The following PRUNE2 variants were observed in gnomAD, a reference collection of about 807,000 sequenced individuals.
PRUNE2 encodes the protein prune homolog 2 with BCH domain, also known as protein prune homolog 2.
A neutral mutation model predicts 252.0 loss-of-function variants in PRUNE2; 164 were observed. The ratio of observed to expected loss-of-function variants is 0.65; its 90% CI spans 0.57 to 0.74. PRUNE2 has a LOEUF of 0.74. Ranked by LOEUF, PRUNE2 falls within the 30% of genes least tolerant of loss-of-function variation. PRUNE2 has a pLI of 0.00. For synonymous variants in PRUNE2, 1,292 were observed against 1,350.2 expected (o/e 0.96, Z 0.94); for missense variants, 3,495 against 3,711.0 (o/e 0.94, Z 1.51).
chr9:76,767,536 C>A (rs1195395292), intron 6 of PRUNE2, among the ~76,000 whole-genome samples: 2 of 152,104 alleles, frequency 1.3e-5, no homozygotes, highest in Non-Finnish European at 2.9e-5. Context: ...CTCCATTGAT[C>A]ACCTCTTTAA....
At chr9:76,729,182 G>A (rs1474769038) in intron 6 of PRUNE2, among the ~76,000 whole-genome samples, 6 of 152,158 alleles carry the variant, frequency 3.9e-5, no homozygotes, top group Non-Finnish European at 7.4e-5. Flanking sequence ...ATGGAGCAAT[G>A]GGTTCTCCAG....
intron 6 of PRUNE2, among the ~76,000 whole-genome samples, chr9:76,781,993 T>TCGGATC (rs1000569428): frequency 6.6e-6 from 1 of 151,524 alleles, no homozygotes; most frequent in African/African-American, 2.4e-5. Flanking sequence ...AGCAGGTGGA[T>TCGGATC]CATGAGGTCA....
At chr9:76,699,900 T>C (rs1452523067) in intron 9 of PRUNE2, among the ~76,000 whole-genome samples, 1 of 152,224 alleles carries the variant, frequency 6.6e-6, no homozygotes, top group Non-Finnish European at 1.5e-5. Context: ...ACCCTGCAAA[T>C]GTTCTTTGTG....
chr9:76,616,727 C>G (rs551074543), intron 18 of PRUNE2, among the ~76,000 whole-genome samples: 6 of 152,096 alleles, frequency 3.9e-5, no homozygotes, highest in Non-Finnish European at 7.4e-5. Context: ...TAAGTAAATA[C>G]AGGAAACCAC....
chr9:76,807,051 T>TGTGTGCGC lies in PRUNE2; in HGVS notation c.756+16580_756+16581insGCGCACAC, dbSNP rs60768420. Among the ~76,000 whole-genome samples the TGTGTGCGC allele has an allele frequency of 6.2e-3, 870 of 139,436 alleles. 5 individuals are homozygous for TGTGTGCGC. The highest frequency in any genetic ancestry group is 0.02 in the African/African-American group (722 of 36,158). 91.5% of individuals were successfully genotyped at this position (139,436 alleles called of 152,430 possible). On this transcript the variant is annotated intron_variant, in intron 6 of 18. Transcript: ENST00000376718. ...GTGTGTGTGTGTGTGTGTGTGTGTGTGCGCGCGCGCGTGTGTCTGTCTCTC... is the reference window on the plus strand; with the variant it reads ...GTGTGTGTGTGTGTGTGTGTGTGTGTGTGTGCGCGCGCGCGCGCGTGTGTCTGTCTCTC...
chr9:76,625,037 A>G, intron 16 of PRUNE2: 1 of 1,303,530 alleles, frequency 7.7e-7, no homozygotes, highest in Non-Finnish European at 1.0e-6. Flanking sequence ...CACTTCTCTT[A>G]TAAGATCTCT....
intron 1 of PRUNE2, among the ~76,000 whole-genome samples, chr9:76,883,692 G>A (rs1356812328): frequency 6.6e-6 from 1 of 152,168 alleles, no homozygotes; most frequent in Non-Finnish European, 1.5e-5. Flanking sequence ...TTTTTCTTGG[G>A]TGCAGACGTT....
At chr9:76,624,843 G>T (rs925953512) in intron 16 of PRUNE2, among the ~76,000 whole-genome samples, 1 of 152,178 alleles carries the variant, frequency 6.6e-6, no homozygotes, top group Non-Finnish European at 1.5e-5. Flanking sequence ...GGTTTAGTAG[G>T]TTTCAGTTGC....
At chr9:76,702,459 T>C (rs542322256) in intron 9 of PRUNE2, among the ~76,000 whole-genome samples, 1 of 152,344 alleles carries the variant, frequency 6.6e-6, no homozygotes, top group South Asian at 2.1e-4. Context: ...GCAGGTGGGC[T>C]TCATAAACAC....
At chr9:76,837,668 A>G (rs1423627414) in intron 4 of PRUNE2, among the ~76,000 whole-genome samples, 2 of 151,828 alleles carry the variant, frequency 1.3e-5, no homozygotes, top group African/African-American at 4.8e-5. Context: ...TAAAATGAGA[A>G]ACTAGTATAT....
intron 6 of PRUNE2, among the ~76,000 whole-genome samples, chr9:76,716,783 G>C (rs1026637112): frequency 2.0e-5 from 3 of 151,944 alleles, no homozygotes; most frequent in Non-Finnish European, 2.9e-5. Flanking sequence ...TGCACCTATT[G>C]ACCCATCATC....
chr9:76,833,498 G>A, intron 4 of PRUNE2, among the ~76,000 whole-genome samples: 1 of 152,302 alleles, frequency 6.6e-6, no homozygotes, highest in East Asian at 1.9e-4. Flanking sequence ...GGGCGTGGTG[G>A]CTCATGCCTG....
intron 12 of PRUNE2, chr9:76,641,820 G>T: frequency 1.1e-6 from 1 of 901,376 alleles, no homozygotes; most frequent in Non-Finnish European, 1.6e-6. Flanking sequence ...TGAAAGGGAT[G>T]TAACACAAGT....
At position 76,832,601 on chromosome 9, in the gene PRUNE2, A is replaced by AT. The variant is rs1213859815; in HGVS notation, c.509-5870dup. Among the ~76,000 whole-genome samples, 15 of 152,232 alleles carry AT rather than the reference A, an allele frequency of 9.9e-5. No individual in the cohort carries two copies. In the East Asian group the frequency reaches 2.9e-3, roughly 29 times the overall value. On this transcript the variant is annotated intron_variant, in intron 4 of 18. Transcript: ENST00000376718. ...TCAAGTTGTGCTCTAAGGAAATTTT[A>AT]TACCCTTAAAAGCGTTAAGTGTTAA... is the stretch of plus-strand genomic sequence containing the variant.
chr9:76,653,729 C>T (rs564796026), intron 10 of PRUNE2, among the ~76,000 whole-genome samples: 13 of 150,362 alleles, frequency 8.6e-5, no homozygotes, highest in African/African-American at 2.8e-4. Flanking sequence ...TTTACCTGGC[C>T]GAAGTATCCT....
intron 9 of PRUNE2, among the ~76,000 whole-genome samples, chr9:76,657,506 C>T (rs554988968): frequency 2.0e-5 from 3 of 152,266 alleles, no homozygotes; most frequent in South Asian, 4.1e-4. Flanking sequence ...GGAATAATTG[C>T]AGGAGTCCTG....
intron 1 of PRUNE2, among the ~76,000 whole-genome samples, chr9:76,879,890 T>TAC (rs2061666530): frequency 1.2e-5 from 1 of 85,448 alleles, no homozygotes; most frequent in Admixed American, 1.1e-4. Flanking sequence ...TATATATATA[T>TAC]ATATATATAT....
At chr9:76,721,970 TTTTA>T (rs550568734) in intron 6 of PRUNE2, among the ~76,000 whole-genome samples, 205 of 152,244 alleles carry the variant, frequency 1.3e-3, no homozygotes, top group Non-Finnish European at 2.1e-3. Flanking sequence ...AATTAAGAGA[TTTTA>T]TTTATTTTGT....
chr9:76,709,295 C>G lies in PRUNE2; in HGVS notation c.2979G>C (p.Glu993Asp), dbSNP rs1194843548. The G allele has an allele frequency of 3.7e-6, 6 of 1,613,860 alleles. No individual in the cohort carries two copies. Among genetic ancestry groups the G allele is most frequent in the Non-Finnish European group, 5.1e-6 (6 of 1,179,860 alleles). The stretch of plus-strand genomic sequence containing the variant: ...TACCATCTTTTGACTCAAAACCTTC[C>G]TCTTTAGCAAATGGCTTGTGTTCAG... ...KETEHKPFAKEEGFESKDGNS... is the reference protein window; with the variant it reads ...KETEHKPFAKDEGFESKDGNS... Residue 993 changes from glutamate (E) to aspartate (D), a missense_variant, in exon 8 of 19, where the codon GAG (glutamate) becomes GAC (aspartate). Glu to Asp is a conservative substitution (Grantham distance 45). Transcript: ENST00000376718.
Sources: gnomAD v4.1 joint callset for allele counts (sites outside exome capture counted in the v4.1 genomes callset) on GRCh38, gnomAD v4.1.1 for gene constraint, MANE v1.5 for transcripts, NCBI Gene and HGNC (gene_info 2026-07-23, HGNC 2026-07-21) for gene names.